Variants in SLC24A2 observed in about 807,000 individuals in gnomAD.
The protein encoded by SLC24A2 is sodium/potassium/calcium exchanger 2.
In SLC24A2, 36 loss-of-function variants were observed where a neutral mutation model predicts 62.0. The observed-to-expected ratio is 0.58, with a 90% CI of 0.44 to 0.77. The LOEUF (loss-of-function observed/expected upper bound fraction) is 0.77. SLC24A2 is among the 30% of genes least tolerant of loss of function. The pLI is 0.00. For synonymous variants in SLC24A2, 358 were observed against 294.0 expected, an observed-to-expected ratio of 1.22 and a Z score of -2.23; for missense variants, 846 against 817.9, an observed-to-expected ratio of 1.03 and a Z score of -0.42.
the SLC24A2 span, among the ~76,000 whole-genome samples, chr9:19,896,438 G>T: frequency 6.6e-6 from 1 of 152,178 alleles, no homozygotes; most frequent in African/African-American, 2.4e-5. Flanking sequence ...AAGACACTAG[G>T]CATTGTTAAA....
the SLC24A2 span, among the ~76,000 whole-genome samples, chr9:19,999,282 G>T: frequency 6.6e-6 from 1 of 152,184 alleles, no homozygotes; most frequent in Non-Finnish European, 1.5e-5. Context: ...AAGACTTGTG[G>T]TTCCTGTATT....
chr9:20,260,389 T>C, the SLC24A2 span, among the ~76,000 whole-genome samples: 1 of 152,230 alleles, frequency 6.6e-6, no homozygotes, highest in Non-Finnish European at 1.5e-5. Context: ...AAGCCAGTCA[T>C]CCAAAAGAAA....
At chr9:19,707,298 T>C (rs1352927269) in intron 2 of SLC24A2, among the ~76,000 whole-genome samples, 1 of 151,506 alleles carries the variant, frequency 6.6e-6, no homozygotes, top group Admixed American at 6.6e-5. Flanking sequence ...CAGGACCAGA[T>C]GGATTCACAG....
At chr9:20,189,165 G>T in the SLC24A2 span, among the ~76,000 whole-genome samples, 1 of 150,212 alleles carries the variant, frequency 6.7e-6, no homozygotes, top group African/African-American at 2.5e-5. Flanking sequence ...GGAAAAGCAA[G>T]AAGTTGGTTC....
chr9:19,946,337 T>C, the SLC24A2 span, among the ~76,000 whole-genome samples: 1 of 152,214 alleles, frequency 6.6e-6, no homozygotes, highest in Non-Finnish European at 1.5e-5. Context: ...GACCAGAGTA[T>C]CATAATTTCA....
At chr9:19,767,253 G>C (rs996231552) in intron 2 of SLC24A2, among the ~76,000 whole-genome samples, 3 of 152,216 alleles carry the variant, frequency 2.0e-5, no homozygotes, top group African/African-American at 7.2e-5. Flanking sequence ...GATCTGCTTA[G>C]CTAGACCACT....
At chr9:19,902,532 C>A in the SLC24A2 span, among the ~76,000 whole-genome samples, 5 of 152,112 alleles carry the variant, frequency 3.3e-5, no homozygotes, top group Non-Finnish European at 5.9e-5. Context: ...TCATCATAAA[C>A]ATCAATAACC....
chr9:19,835,834 C>T, the SLC24A2 span, among the ~76,000 whole-genome samples: 1,433 of 152,298 alleles, frequency 9.4e-3, 20 homozygotes, highest in African/African-American at 0.032. Context: ...AAGTAAAGCA[C>T]TCCTCAGCAA....
chr9:20,117,483 C>T, the SLC24A2 span, among the ~76,000 whole-genome samples: 2 of 152,040 alleles, frequency 1.3e-5, no homozygotes, highest in Non-Finnish European at 2.9e-5. Flanking sequence ...AATAAACCTG[C>T]TAAGAGAGTA....
chr9:19,607,696 G>A (rs1563994935), intron 4 of SLC24A2, among the ~76,000 whole-genome samples: 4 of 140,626 alleles, frequency 2.8e-5, no homozygotes, highest in African/African-American at 1.1e-4. Flanking sequence ...TCCAGCCTAG[G>A]TGATAGAGTG....
At chr9:19,943,505 G>A in the SLC24A2 span, among the ~76,000 whole-genome samples, 1 of 152,152 alleles carries the variant, frequency 6.6e-6, no homozygotes, top group African/African-American at 2.4e-5. Context: ...TTTTAAAATT[G>A]TTTTACAGTA....
At chr9:19,571,114 C>T (rs1835824983) in intron 7 of SLC24A2, among the ~76,000 whole-genome samples, 1 of 152,156 alleles carries the variant, frequency 6.6e-6, no homozygotes, top group African/African-American at 2.4e-5. Flanking sequence ...CTCTGCACAC[C>T]TATGACTGTG....
chr9:20,255,479 G>T, the SLC24A2 span, among the ~76,000 whole-genome samples: 1 of 152,196 alleles, frequency 6.6e-6, no homozygotes, highest in Non-Finnish European at 1.5e-5. Context: ...ACAGGACATA[G>T]CTCATATCTG....
the SLC24A2 span, among the ~76,000 whole-genome samples, chr9:20,007,964 C>T: frequency 2.3e-5 from 3 of 131,130 alleles, no homozygotes; most frequent in Admixed American, 8.5e-5. Flanking sequence ...GGCATGATCT[C>T]GGTTCACTGC....
At chr9:19,817,321 A>C in the SLC24A2 span, among the ~76,000 whole-genome samples, 1 of 151,944 alleles carries the variant, frequency 6.6e-6, no homozygotes, top group Non-Finnish European at 1.5e-5. Flanking sequence ...CTGTATCATG[A>C]GTTAATTGCC....
chr9:20,260,842 A>ATTGTTTTTTTT, the SLC24A2 span, among the ~76,000 whole-genome samples: 1 of 124,958 alleles, frequency 8.0e-6, no homozygotes, highest in African/African-American at 3.1e-5. Flanking sequence ...CCAACGTATC[A>ATTGTTTTTTTT]TTCTTTCTTT....
chr9:19,547,093 C>A (rs1381863421), intron 8 of SLC24A2, among the ~76,000 whole-genome samples: 2 of 152,188 alleles, frequency 1.3e-5, no homozygotes, highest in African/African-American at 4.8e-5. Flanking sequence ...GCAACCCTGT[C>A]TTTATGTCTC....
chr9:19,919,257 G>C, the SLC24A2 span, among the ~76,000 whole-genome samples: 2 of 152,124 alleles, frequency 1.3e-5, no homozygotes, highest in Admixed American at 6.5e-5. Context: ...GATGCACTTA[G>C]AGAACAATCA....
chr9:19,925,689 C>T, the SLC24A2 span, among the ~76,000 whole-genome samples: 5 of 152,116 alleles, frequency 3.3e-5, no homozygotes, highest in Non-Finnish European at 5.9e-5. Context: ...GGATAAAAAC[C>T]TGAGGTTCCC....
Sources: gnomAD v4.1 joint callset for allele counts (sites outside exome capture counted in the v4.1 genomes callset) on GRCh38, gnomAD v4.1.1 for gene constraint, MANE v1.5 for transcripts, NCBI Gene and HGNC (gene_info 2026-07-23, HGNC 2026-07-21) for gene names.